Variants in SLIT3 observed in about 807,000 individuals in gnomAD.
SLIT3 encodes the protein slit guidance ligand 3, also known as slit homolog 3 protein.
Under a neutral mutation model 184.0 loss-of-function variants are expected in SLIT3, and 68 were observed. The ratio of observed to expected loss-of-function variants is 0.37; its 90% CI spans 0.30 to 0.45. The LOEUF (loss-of-function observed/expected upper bound fraction) is 0.45, where lower values mean the gene tolerates loss of function less well. Ranked by LOEUF, SLIT3 falls within the 20% of genes least tolerant of loss-of-function variation. SLIT3 has a pLI of 1.00. For missense variants in SLIT3, 1,707 were observed against 2,026.0 expected (o/e 0.84, Z 3.02); for synonymous variants, 831 against 828.6 (o/e 1.00, Z -0.05).
intron 4 of SLIT3, among the ~76,000 whole-genome samples, chr5:169,096,219 C>T (rs1759773358): frequency 1.3e-5 from 2 of 152,180 alleles, no homozygotes; most frequent in South Asian, 2.1e-4. Flanking sequence ...TTCTTCACTG[C>T]CACAGTGTAA....
intron 4 of SLIT3, among the ~76,000 whole-genome samples, chr5:169,027,841 G>A (rs1756885654): frequency 6.6e-6 from 1 of 152,196 alleles, no homozygotes; most frequent in South Asian, 2.1e-4. Context: ...TGAAGCATTA[G>A]TGGTTCAAAG....
intron 4 of SLIT3, among the ~76,000 whole-genome samples, chr5:169,128,622 G>A (rs919162776): frequency 1.3e-5 from 2 of 152,034 alleles, no homozygotes; most frequent in African/African-American, 4.8e-5. Context: ...GTAGAGACGA[G>A]GTTTCACCAT....
In SLIT3 at chr5:169,088,242, C is replaced by T. The variant is rs149793952; in HGVS notation, c.413+105237G>A. 6.8e-3 allele frequency among the ~76,000 whole-genome samples: 1,030 copies of T among 152,278 alleles called. 15 individuals are homozygous for T. Among genetic ancestry groups the T allele is most frequent in the African/African-American group, 0.024 (985 of 41,548 alleles). On this transcript the variant is annotated intron_variant, in intron 4 of 35. Coordinates refer to ENST00000519560, the MANE Select transcript of SLIT3 (RefSeq NM_003062.4). ...GTATGGCTTGTGTTCATAAATAAGC[C>T]TGTCCTCCCTCCTAAGTTGGTCTCA...
intron 4 of SLIT3, among the ~76,000 whole-genome samples, chr5:169,030,025 G>A (rs1050133409): frequency 6.6e-6 from 1 of 152,204 alleles, no homozygotes; most frequent in East Asian, 1.9e-4. Context: ...CTTTTGGAAA[G>A]AGGGGAGCTA....
In SLIT3 at chr5:168,708,015, A is replaced by G. The variant is rs764682671; in HGVS notation, c.2805T>C (p.Pro935=). Residue 935 remains proline (P), a synonymous_variant, in exon 26 of 36, where the codon CCT becomes CCC. Transcript: ENST00000519560. The stretch of plus-strand genomic sequence containing the variant: ...GGCAGGCACAGCGGTACAGCTCCAC[A>G]GGGTCCTGGGTGCATGTCCCGTTAT... ...CKNNGTCTQD[P]VELYRCACPY... is the part of the protein sequence containing the mutation. 9 of 1,614,072 alleles carry G rather than the reference A, an allele frequency of 5.6e-6. No homozygotes were observed. Among genetic ancestry groups the G allele is most frequent in the Middle Eastern group, 1.6e-4 (1 of 6,084 alleles).
At chr5:168,740,070 A>G (rs1316662093) in intron 20 of SLIT3, among the ~76,000 whole-genome samples, 1 of 152,216 alleles carries the variant, frequency 6.6e-6, no homozygotes, top group East Asian at 1.9e-4. Context: ...ACATAAACAC[A>G]GGTTCTTGGA....
In SLIT3 at chr5:168,962,349, C is replaced by CACACACACG. The variant is rs1561576430; in HGVS notation, c.414-79014_414-79013insCGTGTGTGT. ...ACACACACACACATACACACACACACAGTGGTACCCCACATATCTGTCAGA... is the reference window on the plus strand; with the variant it reads ...ACACACACACACATACACACACACACACACACACGAGTGGTACCCCACATATCTGTCAGA... On this transcript the variant is annotated intron_variant, in intron 4 of 35. Coordinates refer to ENST00000519560, the MANE Select transcript of SLIT3 (RefSeq NM_003062.4). Among the ~76,000 whole-genome samples the CACACACACG allele has an allele frequency of 3.1e-3, 478 of 152,022 alleles. 3 individuals carry two copies. The highest frequency in any genetic ancestry group is 0.011 in the African/African-American group (451 of 41,418).
chr5:169,259,066 C>T (rs1396667798), intron 1 of SLIT3, among the ~76,000 whole-genome samples: 2 of 152,140 alleles, frequency 1.3e-5, no homozygotes, highest in Admixed American at 6.5e-5. Context: ...CCATGAGGCT[C>T]AATTGAGAAA....
chr5:169,015,473 G>A (rs904565170), intron 4 of SLIT3, among the ~76,000 whole-genome samples: 8 of 152,210 alleles, frequency 5.3e-5, no homozygotes, highest in Non-Finnish European at 7.3e-5. Context: ...ACAGGCTGGA[G>A]CAGTGTCCGC....
chr5:169,043,709 G>A (rs1581345000), intron 4 of SLIT3, among the ~76,000 whole-genome samples: 1 of 152,336 alleles, frequency 6.6e-6, no homozygotes, highest in Non-Finnish European at 1.5e-5. Context: ...TAGCAATAAA[G>A]AGAAGCAAGA....
At chr5:168,801,394 C>G (rs1484133546) in intron 9 of SLIT3, among the ~76,000 whole-genome samples, 1 of 152,148 alleles carries the variant, frequency 6.6e-6, no homozygotes, top group Non-Finnish European at 1.5e-5. Flanking sequence ...GGCTGCCTCC[C>G]TATCTCAGAG....
At chr5:168,697,571 C>T (rs1188839087) in intron 27 of SLIT3, among the ~76,000 whole-genome samples, 1 of 152,210 alleles carries the variant, frequency 6.6e-6, no homozygotes, top group Non-Finnish European at 1.5e-5. Context: ...TTTCAGGTTT[C>T]AGAGATTGCT....
intron 4 of SLIT3, among the ~76,000 whole-genome samples, chr5:168,967,434 A>ATTTTTTTTTTTTTTTTTTTTT (rs1288438834): frequency 2.5e-5 from 1 of 39,898 alleles, no homozygotes; most frequent in Non-Finnish European, 4.9e-5. Context: ...TGCCATCTCA[A>ATTTTTTTTTTTTTTTTTTTTT]ATCTTTTTTT....
At chr5:169,298,289 C>T (rs1767576157) in intron 1 of SLIT3, among the ~76,000 whole-genome samples, 1 of 152,110 alleles carries the variant, frequency 6.6e-6, no homozygotes, top group Admixed American at 6.5e-5. Flanking sequence ...ACGACTGCAG[C>T]AGGGGGCCTC....
At chr5:169,055,321 T>C (rs1464581231) in intron 4 of SLIT3, among the ~76,000 whole-genome samples, 1 of 152,140 alleles carries the variant, frequency 6.6e-6, no homozygotes, top group Non-Finnish European at 1.5e-5. Flanking sequence ...TACGCGGTAA[T>C]AGAAACAAAA....
intron 23 of SLIT3, among the ~76,000 whole-genome samples, chr5:168,713,054 C>T (rs945607811): frequency 1.3e-5 from 2 of 152,152 alleles, no homozygotes; most frequent in African/African-American, 4.8e-5. Context: ...ATCTTAGGCA[C>T]GTTGAGAAAT....
At chr5:168,934,149 G>A (rs1017404716) in intron 4 of SLIT3, among the ~76,000 whole-genome samples, 3 of 152,208 alleles carry the variant, frequency 2.0e-5, no homozygotes, top group African/African-American at 7.2e-5. Flanking sequence ...GTCCTCTAAA[G>A]AGATCCATTT....
intron 32 of SLIT3, among the ~76,000 whole-genome samples, chr5:168,681,867 G>A (rs1296561811): frequency 6.6e-6 from 1 of 152,162 alleles, no homozygotes; most frequent in African/African-American, 2.4e-5. Context: ...GGCTTAATCT[G>A]CCAAGCACTT....
intron 32 of SLIT3, among the ~76,000 whole-genome samples, chr5:168,679,757 G>A (rs902801668): frequency 6.6e-6 from 1 of 152,126 alleles, no homozygotes; most frequent in African/African-American, 2.4e-5. Context: ...ACACTCTCTC[G>A]GCTCTGTCTT....
Sources: allele counts gnomAD v4.1 joint callset (sites outside exome capture counted in the v4.1 genomes callset), GRCh38; gene constraint gnomAD v4.1.1; transcripts MANE v1.5; gene names NCBI Gene and HGNC (gene_info 2026-07-23, HGNC 2026-07-21).